HMGCLL1: variants seen among roughly 807,000 people sequenced by gnomAD.
HMGCLL1 encodes the protein 3-hydroxymethyl-3-methylglutaryl-CoA lyase, cytoplasmic.
HMGCLL1 carries 36 observed loss-of-function variants against 39.1 expected under a neutral mutation model. That is an observed-to-expected ratio of 0.92 (90% CI 0.71 to 1.22). The LOEUF (loss-of-function observed/expected upper bound fraction) is 1.22, where lower values mean the gene tolerates loss of function less well. Among genes scored for constraint, HMGCLL1 ranks in the 50% most tolerant of loss-of-function variants. The pLI is 0.00. For synonymous variants in HMGCLL1, 149 were observed against 144.0 expected, an observed-to-expected ratio of 1.03 and a Z score of -0.25; for missense variants, 451 against 416.5, an observed-to-expected ratio of 1.08 and a Z score of -0.72.
At chr6:55,512,967 T>A (rs552801811) in intron 5 of HMGCLL1, 1 of 152,076 alleles carries the variant, frequency 6.6e-6, no homozygotes, top group East Asian at 1.9e-4. Context: ...CACACAAAAA[T>A]GCATTATAGG....
the HMGCLL1 span, among the ~76,000 whole-genome samples, chr6:55,601,073 A>C: frequency 6.6e-6 from 1 of 152,172 alleles, no homozygotes; most frequent in East Asian, 1.9e-4. Context: ...AATAATTTAG[A>C]TTTACCTGGG....
chr6:55,490,984 G>A (rs1043488258), intron 7 of HMGCLL1, among the ~76,000 whole-genome samples: 2 of 151,798 alleles, frequency 1.3e-5, no homozygotes, highest in African/African-American at 4.8e-5. Flanking sequence ...TCAGACTTCT[G>A]TGGCTCAGGA....
the HMGCLL1 span, among the ~76,000 whole-genome samples, chr6:55,597,733 G>T: frequency 6.6e-6 from 1 of 152,024 alleles, no homozygotes; most frequent in Non-Finnish European, 1.5e-5. Context: ...TATGCTAGTT[G>T]AAATTATAAA....
At chr6:55,564,584 C>A (rs1164776603) in intron 1 of HMGCLL1, among the ~76,000 whole-genome samples, 5 of 151,966 alleles carry the variant, frequency 3.3e-5, no homozygotes, top group African/African-American at 1.2e-4. Context: ...AAATATATTT[C>A]CCAACAGAAG....
chr6:55,551,228 G>C (rs1266369116), intron 1 of HMGCLL1, among the ~76,000 whole-genome samples: 1 of 151,760 alleles, frequency 6.6e-6, no homozygotes, highest in Non-Finnish European at 1.5e-5. Context: ...CAGATTCTTG[G>C]ATACAAGGTT....
chr6:55,545,805 A>T (rs544946257), intron 1 of HMGCLL1, among the ~76,000 whole-genome samples: 3 of 152,282 alleles, frequency 2.0e-5, no homozygotes, highest in African/African-American at 7.2e-5. Context: ...AGAAAAAAAA[A>T]GTCAATACAG....
chr6:55,659,615 C>T, the HMGCLL1 span, among the ~76,000 whole-genome samples: 21 of 151,934 alleles, frequency 1.4e-4, no homozygotes, highest in Non-Finnish European at 2.7e-4. Context: ...GTTCAAGAGA[C>T]GTATGTGAAG....
At chr6:55,515,274 G>A (rs190463291) in intron 4 of HMGCLL1, among the ~76,000 whole-genome samples, 1 of 151,212 alleles carries the variant, frequency 6.6e-6, no homozygotes, top group Non-Finnish European at 1.5e-5. Flanking sequence ...AAAAATACAT[G>A]GGGGGAGAAA....
chr6:55,560,944 T>TA (rs1370001218), intron 1 of HMGCLL1, among the ~76,000 whole-genome samples: 3 of 152,116 alleles, frequency 2.0e-5, no homozygotes, highest in Admixed American at 1.3e-4. Flanking sequence ...TAGTAAAAAA[T>TA]AAACCACAGT....
At chr6:55,659,127 T>C in the HMGCLL1 span, among the ~76,000 whole-genome samples, 1 of 151,872 alleles carries the variant, frequency 6.6e-6, no homozygotes, top group Non-Finnish European at 1.5e-5. Flanking sequence ...ATATCGTATA[T>C]GGGTGGATAC....
chr6:55,650,647 G>A, the HMGCLL1 span, among the ~76,000 whole-genome samples: 2 of 151,836 alleles, frequency 1.3e-5, no homozygotes, highest in Admixed American at 6.6e-5. Context: ...CTATCCCCCG[G>A]GTATGTCCAG....
At position 55,437,930 on chromosome 6, in the gene HMGCLL1, T is replaced by C. The variant is rs867408032; in HGVS notation, c.921+1504A>G. Among the ~76,000 whole-genome samples, 4 of 152,140 alleles carry C rather than the reference T, an allele frequency of 2.6e-5. No homozygotes were observed. The South Asian group carries it at 8.3e-4, about 32-fold the overall frequency. ...GGTAACTGATTGGACATGGAATCCA[T>C]AGTGAGATTAAATTCTATAGAGAAT... On this transcript the variant is annotated intron_variant, in intron 8 of 8. Coordinates refer to ENST00000274901, the MANE Select transcript of HMGCLL1 (RefSeq NM_001042406.2).
At chr6:55,475,740 C>G (rs977598939) in intron 7 of HMGCLL1, among the ~76,000 whole-genome samples, 2 of 151,582 alleles carry the variant, frequency 1.3e-5, no homozygotes, top group Non-Finnish European at 3.0e-5. Flanking sequence ...ATATTACTCT[C>G]ATGTTATTTA....
intron 1 of HMGCLL1, among the ~76,000 whole-genome samples, chr6:55,556,859 A>G (rs965435112): frequency 2.0e-5 from 3 of 152,304 alleles, no homozygotes; most frequent in African/African-American, 7.2e-5. Flanking sequence ...CAGGCTGGGC[A>G]GGGCAGATGC....
intron 7 of HMGCLL1, among the ~76,000 whole-genome samples, chr6:55,490,963 T>G (rs2127420283): frequency 6.6e-6 from 1 of 152,278 alleles, no homozygotes; most frequent in Admixed American, 6.5e-5. Context: ...ACTTTGTTCA[T>G]CTTTGTTCAT....
At chr6:55,644,873 C>T in the HMGCLL1 span, among the ~76,000 whole-genome samples, 97 of 151,978 alleles carry the variant, frequency 6.4e-4, no homozygotes, top group Admixed American at 1.2e-3. Context: ...GCATAGTTGG[C>T]TATTCTGGGT....
intron 8 of HMGCLL1, among the ~76,000 whole-genome samples, chr6:55,435,974 T>A (rs1581776972): frequency 1.3e-5 from 2 of 152,130 alleles, no homozygotes; most frequent in East Asian, 3.9e-4. Context: ...CAGCATATCT[T>A]TAATCTGACC....
intron 5 of HMGCLL1, among the ~76,000 whole-genome samples, chr6:55,503,929 T>A (rs1162063118): frequency 6.6e-6 from 1 of 151,704 alleles, no homozygotes; most frequent in Non-Finnish European, 1.5e-5. Flanking sequence ...CTCTCCTAAG[T>A]GCTCTCCTTG....
chr6:55,444,235 A>G (rs757391155), intron 7 of HMGCLL1, among the ~76,000 whole-genome samples: 1 of 152,122 alleles, frequency 6.6e-6, no homozygotes, highest in East Asian at 1.9e-4. Context: ...TTATTTAGTA[A>G]TAAGTCTTCA....
Sources: gnomAD v4.1 joint callset for allele counts (sites outside exome capture counted in the v4.1 genomes callset) on GRCh38, gnomAD v4.1.1 for gene constraint, MANE v1.5 for transcripts, NCBI Gene and HGNC (gene_info 2026-07-23, HGNC 2026-07-21) for gene names.